RPS6KC1: variants seen among roughly 807,000 people sequenced by gnomAD.
The protein encoded by RPS6KC1 is ribosomal protein S6 kinase C1.
Under a neutral mutation model 103.8 loss-of-function variants are expected in RPS6KC1, and 54 were observed. That is an observed-to-expected ratio of 0.52 (90% CI 0.42 to 0.65). RPS6KC1 has a LOEUF of 0.65. Among genes scored for constraint, RPS6KC1 ranks in the 30% least tolerant of loss-of-function variants. The pLI is 0.00. For synonymous variants in RPS6KC1, 439 were observed against 438.7 expected (o/e 1.00, Z -0.01); for missense variants, 1,151 against 1,253.8 (o/e 0.92, Z 1.24).
At chr1:213,466,105 C>G in the RPS6KC1 span, among the ~76,000 whole-genome samples, 1 of 152,298 alleles carries the variant, frequency 6.6e-6, no homozygotes, top group South Asian at 2.1e-4. Context: ...CCCCCACAAC[C>G]TCCACCTAAC....
the RPS6KC1 span, among the ~76,000 whole-genome samples, chr1:213,498,235 T>C: frequency 6.6e-6 from 1 of 152,196 alleles, no homozygotes; most frequent in Non-Finnish European, 1.5e-5. Flanking sequence ...GAATATATGC[T>C]AAAAGATGTA....
At chr1:213,233,957 T>G (rs1240621658) in intron 10 of RPS6KC1, among the ~76,000 whole-genome samples, 1 of 151,988 alleles carries the variant, frequency 6.6e-6, no homozygotes, top group Non-Finnish European at 1.5e-5. Context: ...TTATTGAGCA[T>G]GTACTGTAGA....
chr1:213,366,956 C>CT, the RPS6KC1 span, among the ~76,000 whole-genome samples: 3 of 152,204 alleles, frequency 2.0e-5, no homozygotes, highest in Admixed American at 6.5e-5. Flanking sequence ...TATGACAGCT[C>CT]TTTGAATATT....
At chr1:213,839,331 T>C in the RPS6KC1 span, among the ~76,000 whole-genome samples, 1 of 152,200 alleles carries the variant, frequency 6.6e-6, no homozygotes, top group African/African-American at 2.4e-5. Flanking sequence ...TTTGTATCTC[T>C]CTTCTCCAGC....
intron 8 of RPS6KC1, among the ~76,000 whole-genome samples, chr1:213,224,274 CCTA>C (rs1248980371): frequency 6.6e-6 from 1 of 152,124 alleles, no homozygotes; most frequent in Non-Finnish European, 1.5e-5. Context: ...TGGAGCTTTT[CCTA>C]CTACTATTAT....
At chr1:213,780,343 C>T in the RPS6KC1 span, among the ~76,000 whole-genome samples, 1 of 152,210 alleles carries the variant, frequency 6.6e-6, no homozygotes, top group Admixed American at 6.5e-5. Context: ...TGCCCCTCTT[C>T]CTTCAGCTCT....
At chr1:213,307,486 T>C in the RPS6KC1 span, among the ~76,000 whole-genome samples, 6 of 152,208 alleles carry the variant, frequency 3.9e-5, no homozygotes, top group Non-Finnish European at 7.3e-5. Flanking sequence ...TCTGCCTACC[T>C]CATTCCTCTG....
the RPS6KC1 span, among the ~76,000 whole-genome samples, chr1:213,717,093 G>A: frequency 3.9e-5 from 6 of 152,194 alleles, no homozygotes; most frequent in African/African-American, 1.2e-4. Flanking sequence ...AGCCATGTGA[G>A]GCTGGCCAGC....
chr1:213,361,076 CTT>C, the RPS6KC1 span, among the ~76,000 whole-genome samples: 1 of 152,222 alleles, frequency 6.6e-6, no homozygotes, highest in Non-Finnish European at 1.5e-5. Context: ...CCACTACTCT[CTT>C]CAGAGCTGTC....
chr1:213,801,930 T>C, the RPS6KC1 span, among the ~76,000 whole-genome samples: 12 of 152,090 alleles, frequency 7.9e-5, no homozygotes, highest in African/African-American at 2.9e-4. Flanking sequence ...AAAAAGAAGG[T>C]GTACACAGAA....
At chr1:213,538,831 C>G in the RPS6KC1 span, among the ~76,000 whole-genome samples, 4 of 152,052 alleles carry the variant, frequency 2.6e-5, no homozygotes, top group Non-Finnish European at 4.4e-5. Context: ...CTATAATCAC[C>G]CTATACTTAT....
chr1:213,669,339 T>C, the RPS6KC1 span, among the ~76,000 whole-genome samples: 1 of 152,056 alleles, frequency 6.6e-6, no homozygotes, highest in Non-Finnish European at 1.5e-5. Flanking sequence ...TAGGGAGGAC[T>C]GAGGCGAGGG....
chr1:213,487,707 G>T, the RPS6KC1 span, among the ~76,000 whole-genome samples: 1 of 152,146 alleles, frequency 6.6e-6, no homozygotes, highest in African/African-American at 2.4e-5. Context: ...GGTAAGAGTT[G>T]TATCCTCTCT....
At chr1:213,684,549 A>C in the RPS6KC1 span, among the ~76,000 whole-genome samples, 1 of 151,946 alleles carries the variant, frequency 6.6e-6, no homozygotes, top group Non-Finnish European at 1.5e-5. Context: ...AGGTTACACT[A>C]CTCCAATTTT....
chr1:213,280,606 G>T, the RPS6KC1 span, among the ~76,000 whole-genome samples: 1 of 152,184 alleles, frequency 6.6e-6, no homozygotes, highest in African/African-American at 2.4e-5. Flanking sequence ...GGGTAGGCTT[G>T]GTTTTACCTT....
At chr1:213,180,032 G>A (rs764098325) in intron 8 of RPS6KC1, among the ~76,000 whole-genome samples, 1 of 152,130 alleles carries the variant, frequency 6.6e-6, no homozygotes, top group Non-Finnish European at 1.5e-5. Flanking sequence ...GCTGTATGTT[G>A]ATTTAGTATT....
chr1:213,114,607 G>A (rs947618627), intron 4 of RPS6KC1, among the ~76,000 whole-genome samples: 9 of 151,378 alleles, frequency 5.9e-5, no homozygotes, highest in African/African-American at 2.2e-4. Context: ...AATAGGAGTG[G>A]TGAGAGAGGG....
At chr1:213,341,066 G>A in the RPS6KC1 span, among the ~76,000 whole-genome samples, 1 of 152,172 alleles carries the variant, frequency 6.6e-6, no homozygotes, top group Non-Finnish European at 1.5e-5. Flanking sequence ...TGCGTGTCAG[G>A]GCTTTCATGG....
At chr1:213,247,942 G>A (rs981705112) in intron 12 of RPS6KC1, among the ~76,000 whole-genome samples, 7 of 152,118 alleles carry the variant, frequency 4.6e-5, no homozygotes, top group African/African-American at 1.7e-4. Flanking sequence ...GTAGAAATAA[G>A]GGATTTATGG....
Sources: gnomAD v4.1 joint callset for allele counts (sites outside exome capture counted in the v4.1 genomes callset) on GRCh38, gnomAD v4.1.1 for gene constraint, MANE v1.5 for transcripts, NCBI Gene and HGNC (gene_info 2026-07-23, HGNC 2026-07-21) for gene names.